The following DENND2A variants were observed in gnomAD, a reference collection of about 807,000 sequenced individuals.
DENND2A encodes DENN domain-containing protein 2A.
A neutral mutation model predicts 105.3 loss-of-function variants in DENND2A; 53 were observed. The ratio of observed to expected loss-of-function variants is 0.50; its 90% CI spans 0.40 to 0.63. The LOEUF is 0.63. Ranked by LOEUF, DENND2A falls within the 30% of genes least tolerant of loss-of-function variation. DENND2A has a pLI of 0.00. For missense variants in DENND2A, 1,138 were observed against 1,279.6 expected, an observed-to-expected ratio of 0.89 and a Z score of 1.69; for synonymous variants, 522 against 508.4, an observed-to-expected ratio of 1.03 and a Z score of -0.36.
intron 9 of DENND2A, among the ~76,000 whole-genome samples, chr7:140,564,592 T>C (rs896522751): frequency 5.3e-5 from 8 of 152,140 alleles, no homozygotes; most frequent in Non-Finnish European, 1.2e-4. Context: ...CTCTGTGTGG[T>C]GGGATTACTA....
chr7:140,620,715 C>A (rs778208948), intron 1 of DENND2A, among the ~76,000 whole-genome samples: 1 of 152,116 alleles, frequency 6.6e-6, no homozygotes, highest in Non-Finnish European at 1.5e-5. Context: ...CACTCCGCAC[C>A]GGTTTTGCTT....
chr7:140,529,999 G>A (rs1585559575), intron 14 of DENND2A, among the ~76,000 whole-genome samples: 1 of 150,998 alleles, frequency 6.6e-6, no homozygotes, highest in African/African-American at 2.5e-5. Flanking sequence ...AAAATATTAT[G>A]TTCCAGTTGA....
At chr7:140,610,887 T>C (rs184021629) in intron 1 of DENND2A, among the ~76,000 whole-genome samples, 172 of 152,260 alleles carry the variant, frequency 1.1e-3, no homozygotes, top group African/African-American at 3.9e-3. Context: ...ATTGCTGTCT[T>C]TCTTCTGCTG....
intron 2 of DENND2A, among the ~76,000 whole-genome samples, chr7:140,603,829 G>T (rs910723113): frequency 2.0e-5 from 3 of 152,166 alleles, no homozygotes; most frequent in Admixed American, 1.3e-4. Context: ...ACTCAGAAGC[G>T]CCATGTGGCT....
At chr7:140,626,906 T>C (rs762484884) in intron 1 of DENND2A, among the ~76,000 whole-genome samples, 3 of 152,158 alleles carry the variant, frequency 2.0e-5, no homozygotes, top group Admixed American at 6.6e-5. Context: ...AGCAAAGGGT[T>C]TGGAATCAGA....
chr7:140,610,988 A>G (rs1364969077), intron 1 of DENND2A, among the ~76,000 whole-genome samples: 2 of 152,238 alleles, frequency 1.3e-5, no homozygotes, highest in Admixed American at 1.3e-4. Flanking sequence ...CAAGACATCA[A>G]CTAGTGGCCT....
At chr7:140,629,782 G>T (rs569352254) in intron 1 of DENND2A, among the ~76,000 whole-genome samples, 1 of 152,126 alleles carries the variant, frequency 6.6e-6, no homozygotes, top group Non-Finnish European at 1.5e-5. Flanking sequence ...TAGTGAACAA[G>T]TGAGGCACGG....
At chr7:140,582,042 G>T (rs533799558) in intron 5 of DENND2A, among the ~76,000 whole-genome samples, 227 of 150,864 alleles carry the variant, frequency 1.5e-3, no homozygotes, top group African/African-American at 5.4e-3. Flanking sequence ...TTGGCTTACT[G>T]CAACCTCTGC....
intron 3 of DENND2A, among the ~76,000 whole-genome samples, chr7:140,590,048 T>C (rs981208489): frequency 6.6e-6 from 1 of 152,228 alleles, no homozygotes; most frequent in African/African-American, 2.4e-5. Context: ...GATATTTGTA[T>C]GGTTAAAGGC....
At chr7:140,623,301 C>T (rs1167839377) in intron 1 of DENND2A, among the ~76,000 whole-genome samples, 26 of 137,614 alleles carry the variant, frequency 1.9e-4, no homozygotes, top group African/African-American at 5.6e-4. Context: ...GGCGACACAG[C>T]GAGGCTCTAT....
chr7:140,605,988 C>T (rs1006634696), intron 1 of DENND2A, among the ~76,000 whole-genome samples, 182 bp from the exon 2 acceptor site: 1 of 152,066 alleles, frequency 6.6e-6, no homozygotes, highest in African/African-American at 2.4e-5. Context: ...GGTGCAATCC[C>T]GATGTCCGCC....
intron 1 of DENND2A, among the ~76,000 whole-genome samples, chr7:140,637,627 G>T (rs1800998210): frequency 6.6e-6 from 1 of 152,174 alleles, no homozygotes; most frequent in African/African-American, 2.4e-5. Context: ...CATCCAGTCT[G>T]GAGGCAGAAT....
chr7:140,558,111 G>A, intron 11 of DENND2A, 32 bp downstream of exon 11: 1 of 1,598,206 alleles, frequency 6.3e-7, no homozygotes, highest in Non-Finnish European at 8.6e-7. Context: ...AGTCCACGAG[G>A]CTCTTGCAGG....
chr7:140,615,130 G>T (rs1395064573), intron 1 of DENND2A, among the ~76,000 whole-genome samples: 1 of 152,160 alleles, frequency 6.6e-6, no homozygotes, highest in African/African-American at 2.4e-5. Flanking sequence ...CCCTTCCAAA[G>T]TGCTGGGATT....
At chr7:140,537,939 A>G (rs1796505205) in intron 14 of DENND2A, among the ~76,000 whole-genome samples, 1 of 152,214 alleles carries the variant, frequency 6.6e-6, no homozygotes, top group Non-Finnish European at 1.5e-5. Context: ...TCATCAGGAA[A>G]ATGAAGGCGA....
In DENND2A at chr7:140,601,774, C is replaced by G; in HGVS notation, c.624G>C (p.Gly208=). ...GSTLPENLGG[G]SGSEVSQRVH... ...CCCTCTGGCTGACTTCTGAGCCACT[C>G]CCGCCTCCCAGGTTCTCAGGAAGGG... Residue 208 remains glycine (G), a synonymous_variant, in exon 3 of 20, where the codon GGG becomes GGC. Transcript: ENST00000496613. The G allele has an allele frequency of 6.2e-7, 1 of 1,614,116 alleles. No homozygotes were observed. Among genetic ancestry groups the G allele is most frequent in the Non-Finnish European group, 8.5e-7 (1 of 1,180,024 alleles).
In DENND2A at chr7:140,621,014, C is replaced by A. The variant is rs78674299; in HGVS notation, c.-247-15208G>T. Among the ~76,000 whole-genome samples the A allele has an allele frequency of 1.1e-3, 166 of 152,156 alleles. 1 individual carries two copies. In the East Asian group the frequency reaches 0.019, roughly 18 times the overall value. On this transcript the variant is annotated intron_variant, in intron 1 of 19. Transcript: ENST00000496613. ...GTATTTGGATATAACCTATGTACATCCTCCCATATACTTAATTTAAAAACT... is the reference window on the plus strand; with the variant it reads ...GTATTTGGATATAACCTATGTACATACTCCCATATACTTAATTTAAAAACT...
At position 140,562,339 on chromosome 7, in the gene DENND2A, G is replaced by A. The variant is rs571557583; in HGVS notation, c.1780-2522C>T. ...GAAGAAGAGTATCCAAAGGCACAGAGCACCAGACTGATTGTTTCCAACTTT... is the reference window on the plus strand; with the variant it reads ...GAAGAAGAGTATCCAAAGGCACAGAACACCAGACTGATTGTTTCCAACTTT... On this transcript the variant is annotated intron_variant, in intron 9 of 19. Coordinates refer to ENST00000496613, the MANE Select transcript of DENND2A (RefSeq NM_015689.5). Among the ~76,000 whole-genome samples, 21 of 151,898 alleles carry A rather than the reference G, an allele frequency of 1.4e-4. No homozygotes were observed. The South Asian group carries it at 4.4e-3, about 32-fold the overall frequency.
chr7:140,526,563 C>A (rs560769799), intron 15 of DENND2A, among the ~76,000 whole-genome samples: 228 of 152,296 alleles, frequency 1.5e-3, no homozygotes, highest in African/African-American at 5.2e-3. Context: ...CCACTCACAC[C>A]CTCCGGGGTT....
Sources: gnomAD v4.1 joint callset for allele counts (sites outside exome capture counted in the v4.1 genomes callset) on GRCh38, gnomAD v4.1.1 for gene constraint, MANE v1.5 for transcripts, NCBI Gene and HGNC (gene_info 2026-07-23, HGNC 2026-07-21) for gene names.